The following TXNDC2 variants were observed in gnomAD, a reference collection of about 807,000 sequenced individuals.
The protein encoded by TXNDC2 is thioredoxin domain containing 2.
A neutral mutation model predicts 0.4 loss-of-function variants in TXNDC2; 1 was observed. The observed-to-expected ratio is 2.30, with a 90% CI of 0.82 to 10.89. TXNDC2 has a LOEUF of 10.89. Among genes scored for constraint, TXNDC2 ranks in the 30% most tolerant of loss-of-function variants. The pLI is 0.12. For synonymous variants in TXNDC2, 183 were observed against 224.6 expected (o/e 0.81, Z 1.66); for missense variants, 509 against 579.8 (o/e 0.88, Z 1.25).
rs1004037177 is a variant in TXNDC2 at position 9,888,367 on chromosome 18, T to C, written c.*226T>C. ...AGTATAAAATTAGAAATTCCCATGGTGAAGACTGCTAAGTCCCATGGTTTC... is the reference window on the plus strand; with the variant it reads ...AGTATAAAATTAGAAATTCCCATGGCGAAGACTGCTAAGTCCCATGGTTTC... On this transcript the variant is annotated 3_prime_UTR_variant, in exon 2 of 2. Coordinates refer to ENST00000357775, the MANE Select transcript of TXNDC2 (RefSeq NM_032243.6). 1.1e-5 allele frequency: 5 copies of C among 468,270 alleles called. No homozygotes were observed. The highest frequency in any genetic ancestry group is 1.1e-5 in the Non-Finnish European group (3 of 266,488). The allele number at this position is 468,270 out of a possible 1,614,324, so 29.0% of individuals were successfully genotyped here.
chr18:9,887,018 C>T lies in TXNDC2; in HGVS notation c.338C>T (p.Pro113Leu), dbSNP rs534075661. 1.2e-6 allele frequency: 2 copies of T among 1,603,036 alleles called. No homozygotes were observed. The highest frequency in any genetic ancestry group is 1.7e-6 in the Non-Finnish European group (2 of 1,175,466). The change falls in exon 2 of 2, where the codon CCC (proline) becomes CTC (leucine). Residue 113 changes from proline (P) to leucine (L), a missense_variant. Coordinates refer to ENST00000357775, the MANE Select transcript of TXNDC2 (RefSeq NM_032243.6). ...AGCCAGCCCAAGGAGGGTGACATCC[C>T]CAAGGCCCCAGAAGAAACCATCCAA... ...KPSQPKEGDI[P>L]KAPEETIQSK...
rs768002819 is a variant in TXNDC2, at chr18:9,887,843, G to A, written c.1163G>A (p.Ser388Asn). Residue 388 changes from serine to asparagine, a missense_variant, in exon 2 of 2, where the codon AGC (serine) becomes AAC (asparagine). Around this residue, in one of 5 missense-constraint regions of TXNDC2, gnomAD observed 229 missense variants for 243.8 expected, o/e 0.94. Transcript: ENST00000357775. ...PEGDKVKVIL[S>N]KEDFEASLKE... is the part of the protein sequence containing the mutation. ...GGGGACAAGGTGAAAGTGATCCTGA[G>A]CAAGGAGGACTTTGAGGCATCACTG... 1.2e-6 allele frequency: 2 copies of A among 1,610,156 alleles called. No homozygotes were observed. Among genetic ancestry groups the A allele is most frequent in the South Asian group, 2.2e-5 (2 of 90,816 alleles).
Position 9,886,821 on chromosome 18 carries a change from C to T in TXNDC2, c.141C>T (p.Pro47=). The part of the protein sequence containing the change: ...SPKSSEETIQ[P]KEGDIPKAPE... ...AGTCCTCAGAAGAAACCATCCAGCC[C>T]AAGGAGGGTGACATCCCCAAGGCCC... is the stretch of plus-strand genomic sequence containing the variant. The change falls in exon 2 of 2, where the codon CCC becomes CCT. Residue 47 remains proline (P), a synonymous_variant. Coordinates refer to ENST00000357775, the MANE Select transcript of TXNDC2 (RefSeq NM_032243.6). The T allele has an allele frequency of 6.2e-7, 1 of 1,613,842 alleles. No homozygotes were observed. Among genetic ancestry groups the T allele is most frequent in the East Asian group, 2.2e-5 (1 of 44,874 alleles).
In TXNDC2 at chr18:9,888,151, C is replaced by T. The variant is rs763110505; in HGVS notation, c.*10C>T. 6.3e-7 allele frequency: 1 copy of T among 1,588,352 alleles called. No individual in the cohort carries two copies. Among genetic ancestry groups the T allele is most frequent in the Admixed American group, 1.7e-5 (1 of 57,856 alleles). ...TGCAGAATTAAAGTAAACATGTATT[C>T]TGAAAACATTGCAGACAGTCAGGTG... is the stretch of plus-strand genomic sequence containing the variant. On this transcript the variant is annotated 3_prime_UTR_variant, in exon 2 of 2. Transcript: ENST00000357775.
chr18:9,887,547 G>T lies in TXNDC2; in HGVS notation c.867G>T (p.Lys289Asn). 6.3e-7 allele frequency: 1 copy of T among 1,591,228 alleles called. No individual in the cohort carries two copies. Among genetic ancestry groups the T allele is most frequent in the Non-Finnish European group, 8.6e-7 (1 of 1,167,262 alleles). ...KSPEETIQPK[K>N]GDIPKSPEEA... is the part of the protein sequence containing the mutation. ...CAGAAGAAACCATCCAGCCCAAGAA[G>T]GGTGACATCCCCAAGTCCCCAGAAG... The change falls in exon 2 of 2, where the codon AAG becomes AAT. Residue 289 changes from lysine to asparagine, a missense_variant. Transcript: ENST00000357775.
chr18:9,887,960 CTG>C lies in TXNDC2; in HGVS notation c.1283_1284del (p.Val428GlufsTer3). 6.2e-7 allele frequency: 1 copy of C among 1,614,178 alleles called. No homozygotes were observed. Among genetic ancestry groups the C allele is most frequent in the East Asian group, 2.2e-5 (1 of 44,888 alleles). On this transcript the variant is annotated frameshift_variant, in exon 2 of 2. Coordinates refer to ENST00000357775, the MANE Select transcript of TXNDC2 (RefSeq NM_032243.6). LOFTEE classifies it low-confidence loss of function (END_TRUNC). ...ATCAGACCATTCTTCCATGCCCTGT[CTG>C]TGAAGCATGAGGATGTGGTGTTCCT...
intron 1 of TXNDC2, chr18:9,886,323 G>A (rs1170561707): frequency 8.9e-6 from 14 of 1,569,366 alleles, no homozygotes; most frequent in Admixed American, 1.8e-5. Flanking sequence ...AAAGACCTAT[G>A]CAGTTAGGGA....
Position 9,888,189 on chromosome 18 carries a change from G to C in TXNDC2, c.*48G>C, listed in dbSNP as rs757929112. ...AGACAGTCAGGTGTTTATAGCTTTT[G>C]AGTTCTCTTTTATTATTTACACAAA... On this transcript the variant is annotated 3_prime_UTR_variant, in exon 2 of 2. Transcript: ENST00000357775. 5 of 1,439,710 alleles carry C rather than the reference G, an allele frequency of 3.5e-6. No individual in the cohort carries two copies. In the South Asian group the frequency reaches 5.4e-5, roughly 16 times the overall value. The allele number at this position is 1,439,710 out of a possible 1,614,324, so 89.2% of individuals were successfully genotyped here.
rs2068971401 is a variant in TXNDC2 at position 9,887,901 on chromosome 18, C to G, written c.1221C>G (p.Asp407Glu). ...KEAGERLVAV[D>E]FSATWCGPCR... ...CCGGGGAGAGGCTGGTGGCTGTGGA[C>G]TTCTCGGCCACGTGGTGTGGGCCCT... Residue 407 changes from aspartate (D) to glutamate (E), a missense_variant, in exon 2 of 2, where the codon GAC becomes GAG. Around this residue, in one of 5 missense-constraint regions of TXNDC2, gnomAD observed 229 missense variants for 243.8 expected, o/e 0.94. Transcript: ENST00000357775. 6.2e-7 allele frequency: 1 copy of G among 1,613,292 alleles called. No individual in the cohort carries two copies. The highest frequency in any genetic ancestry group is 8.5e-7 in the Non-Finnish European group (1 of 1,179,390).
At position 9,887,449 on chromosome 18, in the gene TXNDC2, C is replaced by CAT. The variant is rs2068964290; in HGVS notation, c.769_770insAT (p.Pro257HisfsTer11). 1 of 1,551,454 alleles carries CAT rather than the reference C, an allele frequency of 6.4e-7. No individual in the cohort carries two copies. Among genetic ancestry groups the CAT allele is most frequent in the Admixed American group, 1.7e-5 (1 of 57,930 alleles). On this transcript the variant is annotated frameshift_variant, in exon 2 of 2. Transcript: ENST00000357775. LOFTEE classifies it low-confidence loss of function (END_TRUNC). ...CAAGTCCCCAGAAGAAGCCATCCAG[C>CAT]CCAAGGAGGGTGACATCCCCAAGTC...
chr18:9,886,274 G>A, intron 1 of TXNDC2, 194 bp downstream of exon 1: 3 of 1,613,700 alleles, frequency 1.9e-6, no homozygotes, highest in Non-Finnish European at 2.5e-6. Flanking sequence ...AAGTGAAGGT[G>A]ATGCTAATGG....
At chr18:9,886,449 CA>C (rs1347463218) in intron 1 of TXNDC2, 139 bp from the exon 2 acceptor site, 1 of 942,856 alleles carries the variant, frequency 1.1e-6, no homozygotes, top group African/African-American at 1.7e-5. Context: ...CAGATTAATA[CA>C]TCATTCATCA....
Position 9,886,829 on chromosome 18 carries a change from G to C in TXNDC2, c.149G>C (p.Gly50Ala), listed in dbSNP as rs200505542. The stretch of plus-strand genomic sequence containing the variant: ...GAAGAAACCATCCAGCCCAAGGAGG[G>C]TGACATCCCCAAGGCCCCAGAAGAA... ...SSEETIQPKE[G>A]DIPKAPEETI... Residue 50 changes from glycine to alanine, a missense_variant, in exon 2 of 2, where the codon GGT (glycine) becomes GCT (alanine). Physicochemically the swap from Gly to Ala is moderately conservative, Grantham distance 60. Transcript: ENST00000357775. The C allele has an allele frequency of 1.9e-6, 3 of 1,613,678 alleles. No individual in the cohort carries two copies. In the East Asian group the frequency reaches 6.7e-5, roughly 36 times the overall value.
chr18:9,886,607 T>C lies in TXNDC2; in HGVS notation c.-74T>C, dbSNP rs1567882091. The C allele has an allele frequency of 1.9e-6, 3 of 1,610,176 alleles. No individual in the cohort carries two copies. Among genetic ancestry groups the C allele is most frequent in the East Asian group, 2.2e-5 (1 of 44,844 alleles). ...GGTACAGAAAGCTCATTACTAGTCC[T>C]GTCCAGCAACGTGCCTCTCCTGGCC... On this transcript the variant is annotated 5_prime_UTR_variant, in exon 2 of 2. Coordinates refer to ENST00000357775, the MANE Select transcript of TXNDC2 (RefSeq NM_032243.6).
chr18:9,887,377 C>A lies in TXNDC2; in HGVS notation c.697C>A (p.Pro233Thr). The A allele has an allele frequency of 6.7e-7, 1 of 1,494,026 alleles. No homozygotes were observed. Among genetic ancestry groups the A allele is most frequent in the Non-Finnish European group, 9.1e-7 (1 of 1,098,420 alleles). 92.5% of individuals were successfully genotyped at this position (1,494,026 alleles called of 1,614,324 possible). The change falls in exon 2 of 2, where the codon CCC becomes ACC. Residue 233 changes from proline (P) to threonine (T), a missense_variant. By Grantham distance (38) the Pro-to-Thr change is conservative. Around this residue, in one of 5 missense-constraint regions of TXNDC2, gnomAD observed 65 missense variants for 46.0 expected, o/e 1.41. Transcript: ENST00000357775. ...CATCCAGCCCAAGGAGGGTGACCTC[C>A]CCAAGTCCCTAGAGGAAGCCATCCA... ...EAIQPKEGDL[P>T]KSLEEAIQPK... is the part of the protein sequence containing the mutation.
In TXNDC2 at chr18:9,889,069, C is replaced by T. The variant is rs573007808; in HGVS notation, c.*928C>T. On this transcript the variant is annotated 3_prime_UTR_variant, in exon 2 of 2. Transcript: ENST00000357775. ...TAGTGAGCCCCAGATGTCTATGAGC[C>T]CAAAGTCCCAGGTCTGAACCATAGA... The T allele has an allele frequency of 1.3e-5, 2 of 152,104 alleles. No individual in the cohort carries two copies. The highest frequency in any genetic ancestry group is 2.9e-5 in the Non-Finnish European group (2 of 68,046). 9.4% of individuals were successfully genotyped at this position (152,104 alleles called of 1,614,324 possible). A position where few individuals can be genotyped will look rare whatever the true frequency, so the allele number is the denominator to read the frequency against.
At position 9,887,212 on chromosome 18, in the gene TXNDC2, G is replaced by T. The variant is rs767891793; in HGVS notation, c.532G>T (p.Glu178Ter). The change falls in exon 2 of 2, where the codon GAA becomes TAA. Residue 178 changes from glutamate (E) to a stop codon, truncating the protein, a stop_gained. Coordinates refer to ENST00000357775, the MANE Select transcript of TXNDC2 (RefSeq NM_032243.6). LOFTEE classifies it low-confidence loss of function (END_TRUNC). Reference protein sequence around the residue: ...KESDIPKSPEETIQPKEGDIP... With the variant: ...KESDIPKSPE Reference sequence around the variant, plus strand: ...GAGTGATATCCCCAAGTCCCCAGAAGAAACCATCCAGCCCAAGGAGGGTGA... The same window carrying T: ...GAGTGATATCCCCAAGTCCCCAGAATAAACCATCCAGCCCAAGGAGGGTGA... 6.3e-7 allele frequency: 1 copy of T among 1,584,684 alleles called. No homozygotes were observed. The highest frequency in any genetic ancestry group is 2.3e-5 in the East Asian group (1 of 43,952).
rs1278171568 is a variant in TXNDC2, at chr18:9,888,286, T to A, written c.*145T>A. On this transcript the variant is annotated 3_prime_UTR_variant, in exon 2 of 2. Coordinates refer to ENST00000357775, the MANE Select transcript of TXNDC2 (RefSeq NM_032243.6). ...CATGATAATATTAACTCTACCCTTT[T>A]CAAAAAACAGTCCAAGCATTAAAGT... 4 of 644,378 alleles carry A rather than the reference T, an allele frequency of 6.2e-6. No individual in the cohort carries two copies. Among genetic ancestry groups the A allele is most frequent in the Non-Finnish European group, 7.7e-6 (3 of 391,238 alleles). 39.9% of individuals were successfully genotyped at this position (644,378 alleles called of 1,614,324 possible).
chr18:9,887,497 A>C lies in TXNDC2; in HGVS notation c.817A>C (p.Lys273Gln). 6.5e-7 allele frequency: 1 copy of C among 1,531,268 alleles called. No individual in the cohort carries two copies. Among genetic ancestry groups the C allele is most frequent in the East Asian group, 2.5e-5 (1 of 39,304 alleles). 94.9% of individuals were successfully genotyped at this position (1,531,268 alleles called of 1,614,324 possible). Residue 273 changes from lysine to glutamine, a missense_variant, in exon 2 of 2, where the codon AAG becomes CAG. Lys to Gln is a moderately conservative substitution (Grantham distance 53). Transcript: ENST00000357775. ...PKSLEEAIQP[K>Q]EGDIPKSPEE... ...GTCCCTAGAGGAAGCCATCCAGCCT[A>C]AGGAGGGTGACATCCCCAAGTCCCC... is the stretch of plus-strand genomic sequence containing the variant.
Sources: allele counts gnomAD v4.1 joint callset, GRCh38; gene constraint gnomAD v4.1.1; regional missense constraint gnomAD v4.1.1; transcripts MANE v1.5; gene names NCBI Gene and HGNC (gene_info 2026-07-23, HGNC 2026-07-21).